The following DOCK4 variants were observed in gnomAD, a reference collection of about 807,000 sequenced individuals.
DOCK4 encodes the protein dedicator of cytokinesis 4, also known as dedicator of cytokinesis protein 4.
DOCK4 carries 97 observed loss-of-function variants against 268.1 expected under a neutral mutation model. The observed-to-expected ratio is 0.36, with a 90% confidence interval of 0.31 to 0.43. DOCK4 has a LOEUF of 0.43. Ranked by LOEUF, DOCK4 falls within the 20% of genes least tolerant of loss-of-function variation. DOCK4 has a pLI of 1.00. For synonymous variants in DOCK4, 954 were observed against 887.2 expected (o/e 1.08, Z -1.34); for missense variants, 2,145 against 2,455.7 (o/e 0.87, Z 2.67).
rs568274411 is a variant in DOCK4, at chr7:111,937,323, ACT to A, written c.978-1697_978-1696del. On this transcript the variant is annotated intron_variant, in intron 11 of 52. Coordinates refer to ENST00000428084, the MANE Select transcript of DOCK4 (RefSeq NM_001363540.2). Reference sequence around the variant, plus strand: ...TTCCTAATCTACAGTGACTGTTTTGACTGGTTAGTATTACTCTTGAAACAGCA... The same window carrying A: ...TTCCTAATCTACAGTGACTGTTTTGAGGTTAGTATTACTCTTGAAACAGCA... Among the ~76,000 whole-genome samples, 11 of 152,232 alleles carry A rather than the reference ACT, an allele frequency of 7.2e-5. No homozygotes were observed. The East Asian group carries it at 2.1e-3, about 29-fold the overall frequency.
At chr7:111,921,796 T>C (rs1412063765) in intron 12 of DOCK4, among the ~76,000 whole-genome samples, 2 of 152,218 alleles carry the variant, frequency 1.3e-5, no homozygotes, top group Non-Finnish European at 2.9e-5. Flanking sequence ...ATATCTATCA[T>C]TGTTTCTGTT....
At chr7:112,101,075 A>AG (rs900440682) in intron 1 of DOCK4, among the ~76,000 whole-genome samples, 2 of 152,146 alleles carry the variant, frequency 1.3e-5, no homozygotes, top group African/African-American at 2.4e-5. Flanking sequence ...GAAGGGGTAC[A>AG]GGGGGGACAC....
intron 23 of DOCK4, among the ~76,000 whole-genome samples, chr7:111,847,429 T>C (rs904705729): frequency 2.0e-5 from 3 of 152,204 alleles, no homozygotes; most frequent in Admixed American, 6.5e-5. Flanking sequence ...TTCGTTAAGA[T>C]AGATCGCCTA....
At position 111,915,880 on chromosome 7, in the gene DOCK4, A is replaced by G; in HGVS notation, c.1091T>C (p.Leu364Ser). Residue 364 changes from leucine to serine, a missense_variant, in exon 13 of 53, where the codon TTG (leucine) becomes TCG (serine). Transcript: ENST00000428084. Reference sequence around the variant, plus strand: ...TCTGATTTGTTCAATGTCTCCGTGCAATAGCTGTAAGGAAACTGCTAAACC... The same window carrying G: ...TCTGATTTGTTCAATGTCTCCGTGCGATAGCTGTAAGGAAACTGCTAAACC... Reference protein sequence around the residue: ...NAGLAVSLQLLHGDIEQIRRE... With the variant: ...NAGLAVSLQLSHGDIEQIRRE... The G allele has an allele frequency of 6.2e-7, 1 of 1,612,260 alleles. No homozygotes were observed. The highest frequency in any genetic ancestry group is 8.5e-7 in the Non-Finnish European group (1 of 1,179,146).
At chr7:111,788,920 T>C (rs981765621) in intron 31 of DOCK4, 173 bp from the exon 32 acceptor site, 26 of 638,344 alleles carry the variant, frequency 4.1e-5, no homozygotes, top group Admixed American at 2.6e-4. Flanking sequence ...GGGACTAATC[T>C]AGATAGAGTT....
chr7:112,114,305 A>G (rs1035241718), intron 1 of DOCK4, among the ~76,000 whole-genome samples: 7 of 152,196 alleles, frequency 4.6e-5, no homozygotes, highest in Non-Finnish European at 1.0e-4. Context: ...ATAAAAGTAA[A>G]AAGTCTAAAA....
intron 6 of DOCK4, among the ~76,000 whole-genome samples, chr7:111,988,453 A>G (rs189249935): frequency 2.6e-5 from 4 of 152,306 alleles, no homozygotes; most frequent in African/African-American, 7.2e-5. Flanking sequence ...GTTTTGTTTA[A>G]AAATAAATCT....
At chr7:112,108,975 C>A (rs1488876782) in intron 1 of DOCK4, among the ~76,000 whole-genome samples, 1 of 151,616 alleles carries the variant, frequency 6.6e-6, no homozygotes, top group South Asian at 2.1e-4. Flanking sequence ...TTTTTTTTTA[C>A]TGGGGGAGGA....
At chr7:111,931,034 A>G (rs1794159892) in intron 12 of DOCK4, among the ~76,000 whole-genome samples, 1 of 152,144 alleles carries the variant, frequency 6.6e-6, no homozygotes, top group Non-Finnish European at 1.5e-5. Context: ...AGAGAGAGAG[A>G]CCAGAGAAAC....
intron 1 of DOCK4, among the ~76,000 whole-genome samples, chr7:112,135,370 A>T (rs1443895522): frequency 1.3e-5 from 2 of 152,108 alleles, no homozygotes; most frequent in African/African-American, 4.8e-5. Flanking sequence ...ACTTCTTCTC[A>T]TTATACTTCC....
At chr7:111,976,155 A>AT (rs1378581490) in intron 8 of DOCK4, among the ~76,000 whole-genome samples, 21 of 73,492 alleles carry the variant, frequency 2.9e-4, no homozygotes, top group African/African-American at 1.2e-3. Flanking sequence ...AAAAAAAAAA[A>AT]AAAAAAATAT....
chr7:112,062,625 A>G (rs1471292617), intron 1 of DOCK4, among the ~76,000 whole-genome samples: 1 of 152,146 alleles, frequency 6.6e-6, no homozygotes, highest in Non-Finnish European at 1.5e-5. Context: ...CATCAATAGA[A>G]GCACATATTC....
intron 26 of DOCK4, among the ~76,000 whole-genome samples, chr7:111,826,338 A>C (rs1802383660): frequency 1.3e-5 from 2 of 152,226 alleles, no homozygotes; most frequent in South Asian, 2.1e-4. Flanking sequence ...TTCCATAGTA[A>C]GGAGTCTGGA....
At chr7:112,130,803 C>A (rs1196516435) in intron 1 of DOCK4, among the ~76,000 whole-genome samples, 1 of 152,170 alleles carries the variant, frequency 6.6e-6, no homozygotes, top group Non-Finnish European at 1.5e-5. Context: ...TAATTCTTGA[C>A]TTAAATTTAA....
intron 1 of DOCK4, among the ~76,000 whole-genome samples, chr7:112,063,364 T>C (rs551189737): frequency 6.6e-6 from 1 of 152,220 alleles, no homozygotes; most frequent in Non-Finnish European, 1.5e-5. Flanking sequence ...ATAAACCCAT[T>C]GTAAACTGAA....
chr7:111,983,863 C>CACACACACACACAG (rs1798830509), intron 7 of DOCK4, among the ~76,000 whole-genome samples: 2 of 75,378 alleles, frequency 2.7e-5, no homozygotes, highest in African/African-American at 1.1e-4. Flanking sequence ...CGCGCGCGCG[C>CACACACACACACAG]ACACACACAC....
chr7:111,977,943 C>T (rs1014220314), intron 7 of DOCK4, among the ~76,000 whole-genome samples: 1 of 152,114 alleles, frequency 6.6e-6, no homozygotes, highest in Non-Finnish European at 1.5e-5. Context: ...ACAGCCAGTC[C>T]AGGCTCAACT....
intron 1 of DOCK4, among the ~76,000 whole-genome samples, chr7:112,173,588 C>T (rs1019053813): frequency 6.6e-6 from 1 of 152,076 alleles, no homozygotes; most frequent in Non-Finnish European, 1.5e-5. Flanking sequence ...TCTAATGTGG[C>T]TTTCCAAGTA....
Position 111,944,891 on chromosome 7 carries a change from G to C in DOCK4, c.784-20C>G, listed in dbSNP as rs1795496130. The stretch of plus-strand genomic sequence containing the variant: ...CAAATCCTACAAACAAAGAAAGTTT[G>C]GTTATTTTGGAAGACATGAGCGGCA... On this transcript the variant is annotated intron_variant, in intron 9 of 52. Transcript: ENST00000428084. The C allele has an allele frequency of 1.2e-6, 2 of 1,613,218 alleles. No homozygotes were observed. Among genetic ancestry groups the C allele is most frequent in the South Asian group, 2.2e-5 (2 of 91,040 alleles).
Sources: gnomAD v4.1 joint callset for allele counts (sites outside exome capture counted in the v4.1 genomes callset) on GRCh38, gnomAD v4.1.1 for gene constraint, MANE v1.5 for transcripts, NCBI Gene and HGNC (gene_info 2026-07-23, HGNC 2026-07-21) for gene names.